The following DMD variants were observed in gnomAD, a reference collection of about 807,000 sequenced individuals.
DMD encodes the protein mutant dystrophin.
DMD carries 63 observed loss-of-function variants against 330.1 expected under a neutral mutation model. The ratio of observed to expected loss-of-function variants is 0.19; its 90% CI spans 0.16 to 0.24. DMD has a LOEUF of 0.24. Ranked by LOEUF, DMD falls within the 10% of genes least tolerant of loss-of-function variation. The pLI, the probability that DMD is intolerant of heterozygous loss-of-function variation, is 1.00. For synonymous variants in DMD, 1,223 were observed against 959.8 expected (o/e 1.27, Z -5.07); for missense variants, 3,344 against 2,684.1 (o/e 1.25, Z -5.43).
At chrX:32,428,534 G>A in intron 29 of DMD, among the ~76,000 whole-genome samples, 1 of 111,939 alleles carries the variant, frequency 8.9e-6, no homozygotes, top group Non-Finnish European at 1.9e-5. Context: ...CCACCATGCT[G>A]ATATAGTTGT....
rs186406229 is a variant in DMD at position 32,739,395 on chromosome X, G to C, written c.650-40102C>G. 1.7e-3 allele frequency among the ~76,000 whole-genome samples: 192 copies of C among 111,586 alleles called. No individual in the cohort carries two copies. In the Middle Eastern group the frequency reaches 0.019, roughly 11 times the overall value. On this transcript the variant is annotated intron_variant, in intron 7 of 78. Transcript: ENST00000357033. ...ATTCATTTTGGGTAAATTTCTATGA[G>C]TGCGCTTGAAAACAGTTCATGAAAC...
At chrX:31,390,275 T>C (rs1271042780) in intron 60 of DMD, among the ~76,000 whole-genome samples, 1 of 109,732 alleles carries the variant, frequency 9.1e-6, no homozygotes, top group Non-Finnish European at 1.9e-5. Context: ...CTTCTTTTTC[T>C]TGAAGTTTAT....
intron 1 of DMD, among the ~76,000 whole-genome samples, chrX:33,300,888 T>A (rs1457195430): frequency 8.9e-6 from 1 of 111,936 alleles, no homozygotes; most frequent in Non-Finnish European, 1.9e-5. Context: ...CAAGGGAGTT[T>A]AAACATAATA....
intron 52 of DMD, among the ~76,000 whole-genome samples, chrX:31,699,496 T>TA (rs756117950): frequency 8.4e-4 from 94 of 112,299 alleles, no homozygotes; most frequent in African/African-American, 3.0e-3. Flanking sequence ...CAAGCCAACC[T>TA]AAAAAATGTT....
chrX:31,413,222 C>T (rs1387357197), intron 60 of DMD, among the ~76,000 whole-genome samples: 2 of 111,618 alleles, frequency 1.8e-5, no homozygotes, highest in Non-Finnish European at 3.8e-5. Flanking sequence ...TACAGTAAGC[C>T]ACACCAGATC....
chrX:31,858,171 T>C (rs192398589), intron 48 of DMD, among the ~76,000 whole-genome samples: 9 of 111,699 alleles, frequency 8.1e-5, no homozygotes, highest in South Asian at 3.7e-4. Context: ...TCTTCAGTGA[T>C]ACAGAACTTA....
intron 55 of DMD, among the ~76,000 whole-genome samples, chrX:31,586,394 A>C (rs1389253579): frequency 8.9e-6 from 1 of 112,652 alleles, no homozygotes; most frequent in African/African-American, 3.2e-5. Context: ...GCTAAATCTC[A>C]GAATTCTTCT....
chrX:32,076,157 G>A (rs1171490366), intron 44 of DMD, among the ~76,000 whole-genome samples: 1 of 104,742 alleles, frequency 9.5e-6, no homozygotes. Flanking sequence ...CTGCTAATGG[G>A]AGACACAAAG....
chrX:31,187,005 G>A (rs2041835756), intron 67 of DMD, among the ~76,000 whole-genome samples: 1 of 112,787 alleles, frequency 8.9e-6, no homozygotes, highest in Non-Finnish European at 1.9e-5. Context: ...AAATCCATCA[G>A]CACAGCATAT....
At chrX:32,867,953 T>G (rs957132293) in intron 2 of DMD, among the ~76,000 whole-genome samples, 3 of 110,297 alleles carry the variant, frequency 2.7e-5, no homozygotes, top group African/African-American at 9.9e-5. Context: ...GATGACCAAC[T>G]AGGAACAGCT....
chrX:33,064,169 T>A (rs375148885), intron 1 of DMD, among the ~76,000 whole-genome samples: 168 of 111,663 alleles, frequency 1.5e-3, no homozygotes, highest in African/African-American at 5.1e-3. Context: ...TCCGTTCATT[T>A]TTCATGTAAC....
chrX:31,204,292 G>C (rs764343423), intron 66 of DMD, among the ~76,000 whole-genome samples, 174 bp from the exon 67 acceptor site: 2 of 112,435 alleles, frequency 1.8e-5, no homozygotes, highest in East Asian at 5.6e-4. Flanking sequence ...TATGAATCAA[G>C]TTAATGATCA....
At chrX:33,305,692 A>G (rs186100883) in intron 1 of DMD, among the ~76,000 whole-genome samples, 52 of 111,207 alleles carry the variant, frequency 4.7e-4, no homozygotes, top group South Asian at 7.6e-4. Flanking sequence ...GTAATTAACT[A>G]CAAACATATA....
At chrX:31,621,903 C>A (rs2078552863) in intron 55 of DMD, among the ~76,000 whole-genome samples, 1 of 112,107 alleles carries the variant, frequency 8.9e-6, no homozygotes, top group African/African-American at 3.2e-5. Context: ...ACCCCATGAA[C>A]CTAAATAACT....
At chrX:31,173,413 G>A in intron 72 of DMD, 126 bp downstream of exon 72, 2 of 787,038 alleles carry the variant, frequency 2.5e-6, no homozygotes, top group South Asian at 4.6e-5. Context: ...TAGAGGGCAA[G>A]TTGATTAGTA....
chrX:31,372,283 T>C (rs947394259), intron 60 of DMD, among the ~76,000 whole-genome samples: 9 of 111,917 alleles, frequency 8.0e-5, no homozygotes, highest in Non-Finnish European at 1.3e-4. Context: ...GAAGGAGAGA[T>C]TTTAGGCATA....
chrX:33,259,987 T>C (rs1380811709), intron 1 of DMD, among the ~76,000 whole-genome samples: 1 of 111,048 alleles, frequency 9.0e-6, no homozygotes, highest in Non-Finnish European at 1.9e-5. Context: ...GAGAGCTTGA[T>C]TGTTTACAAG....
At chrX:32,284,960 C>A (rs988817359) in intron 43 of DMD, among the ~76,000 whole-genome samples, 1 of 111,482 alleles carries the variant, frequency 9.0e-6, no homozygotes, top group African/African-American at 3.3e-5. Context: ...GAGATTTCAG[C>A]GACCCTCTCT....
rs377615262 is a variant in DMD at position 32,132,993 on chromosome X, CTTTTT to C, written c.6438+83918_6438+83922del. On this transcript the variant is annotated intron_variant, in intron 44 of 78. Transcript: ENST00000357033. ...TCTCATTGATCACTCCTTTTCTTTT[CTTTTT>C]TTTTTTTTTTTTTTTTTTTTTTTTT... Among the ~76,000 whole-genome samples the C allele has an allele frequency of 2.7e-3, 204 of 75,947 alleles. 3 individuals are homozygous for C. The highest frequency in any genetic ancestry group is 7.9e-3 in the East Asian group (21 of 2,653). The allele number at this position is 75,947 out of a possible 115,157, so 66.0% of individuals were successfully genotyped here.
Sources: allele counts gnomAD v4.1 joint callset (sites outside exome capture counted in the v4.1 genomes callset), GRCh38; gene constraint gnomAD v4.1.1; transcripts MANE v1.5; gene names NCBI Gene and HGNC (gene_info 2026-07-23, HGNC 2026-07-21).